The following ATXN7 variants were observed in gnomAD, a reference collection of about 807,000 sequenced individuals.
ATXN7 encodes ataxin 7, also known as ataxin-7.
Under a neutral mutation model 70.5 loss-of-function variants are expected in ATXN7, and 12 were observed. The ratio of observed to expected loss-of-function variants is 0.17; its 90% confidence interval spans 0.11 to 0.28. The LOEUF (loss-of-function observed/expected upper bound fraction) is 0.28. ATXN7 is among the 10% of genes least tolerant of loss of function. The pLI is 1.00. For synonymous variants in ATXN7, 498 were observed against 448.7 expected (o/e 1.11, Z -1.39); for missense variants, 1,256 against 1,131.7 (o/e 1.11, Z -1.58).
intron 4 of ATXN7, among the ~76,000 whole-genome samples, chr3:63,938,677 T>C (rs546012193): frequency 1.3e-5 from 2 of 152,324 alleles, no homozygotes; most frequent in South Asian, 2.1e-4. Context: ...TGAGGCACCA[T>C]GAGTATTTAT....
chr3:63,899,541 G>T (rs1703551924), intron 2 of ATXN7, among the ~76,000 whole-genome samples: 1 of 152,028 alleles, frequency 6.6e-6, no homozygotes, highest in Non-Finnish European at 1.5e-5. Flanking sequence ...GGAGGCTGAG[G>T]TGGAAGGATT....
chr3:63,886,688 A>G (rs985370502), intron 1 of ATXN7, among the ~76,000 whole-genome samples: 3 of 152,206 alleles, frequency 2.0e-5, no homozygotes, highest in East Asian at 3.8e-4. Context: ...CCAAAATTGA[A>G]AGTTTATTTT....
At chr3:63,977,157 T>A (rs1171300843) in intron 5 of ATXN7, among the ~76,000 whole-genome samples, 1 of 152,182 alleles carries the variant, frequency 6.6e-6, no homozygotes, top group Non-Finnish European at 1.5e-5. Context: ...TTCAGCCAGG[T>A]ATAGTTTTCT....
At chr3:63,879,078 A>G (rs1702831258) in intron 1 of ATXN7, among the ~76,000 whole-genome samples, 1 of 152,156 alleles carries the variant, frequency 6.6e-6, no homozygotes, top group Non-Finnish European at 1.5e-5. Context: ...ACCCTATAGC[A>G]TATTCTTAAT....
intron 1 of ATXN7, among the ~76,000 whole-genome samples, chr3:63,866,433 T>G (rs1028523368): frequency 1.3e-5 from 2 of 152,004 alleles, no homozygotes; most frequent in Non-Finnish European, 2.9e-5. Flanking sequence ...TTATTTTTAT[T>G]TTTGTAGAGA....
chr3:63,944,443 A>G (rs1384082250), intron 4 of ATXN7, among the ~76,000 whole-genome samples: 6 of 152,316 alleles, frequency 3.9e-5, no homozygotes, highest in East Asian at 3.9e-4. Context: ...TCTGATAACT[A>G]CTAAGTGACT....
intron 4 of ATXN7, among the ~76,000 whole-genome samples, chr3:63,933,440 T>A (rs2107346352): frequency 6.6e-6 from 1 of 152,316 alleles, no homozygotes; most frequent in Admixed American, 6.5e-5. Flanking sequence ...CATCTGAAAG[T>A]ACCTAGGACA....
intron 4 of ATXN7, among the ~76,000 whole-genome samples, chr3:63,936,102 A>G (rs562930678): frequency 2.0e-5 from 3 of 152,352 alleles, no homozygotes; most frequent in South Asian, 2.1e-4. Context: ...GCTCACTACC[A>G]TATTTTCATG....
At chr3:63,956,661 G>A (rs1172358542) in intron 5 of ATXN7, among the ~76,000 whole-genome samples, 1 of 152,030 alleles carries the variant, frequency 6.6e-6, no homozygotes, top group Non-Finnish European at 1.5e-5. Context: ...ACACTGGCTG[G>A]CTGGAATGCA....
At chr3:63,919,808 G>A (rs2107315738) in intron 4 of ATXN7, among the ~76,000 whole-genome samples, 1 of 135,546 alleles carries the variant, frequency 7.4e-6, no homozygotes, top group Admixed American at 8.5e-5. Context: ...ACACCTGGTT[G>A]GGAGCAGTTC....
chr3:63,979,404 T>C (rs2075448059), intron 5 of ATXN7, among the ~76,000 whole-genome samples: 1 of 152,198 alleles, frequency 6.6e-6, no homozygotes, highest in Admixed American at 6.5e-5. Flanking sequence ...GAAACATTCT[T>C]ATTTGGTGTC....
intron 4 of ATXN7, among the ~76,000 whole-genome samples, chr3:63,926,493 G>A (rs576295466): frequency 1.8e-4 from 27 of 152,290 alleles, no homozygotes; most frequent in Admixed American, 5.2e-4. Flanking sequence ...TTGAAGAACA[G>A]CAGGGGGCGG....
chr3:63,978,278 A>G (rs930690453), intron 5 of ATXN7, among the ~76,000 whole-genome samples: 1 of 152,180 alleles, frequency 6.6e-6, no homozygotes, highest in Non-Finnish European at 1.5e-5. Context: ...CCACTGGTCT[A>G]GGGCCTTCCA....
rs2075812322 is a variant in ATXN7 at position 63,999,543 on chromosome 3, C to T, written c.*76C>T. 1.3e-6 allele frequency: 2 copies of T among 1,596,814 alleles called. No homozygotes were observed. Among genetic ancestry groups the T allele is most frequent in the Admixed American group, 1.7e-5 (1 of 57,778 alleles). On this transcript the variant is annotated 3_prime_UTR_variant, in exon 13 of 13. Transcript: ENST00000674280. ...TTACACCTCCACTCAGCACTCTGGA[C>T]TCCACGATGCCTTTGAGTCTGTTTT...
In ATXN7 at chr3:63,980,105, G is replaced by A; in HGVS notation, c.690G>A (p.Gln230=). 1.2e-6 allele frequency: 2 copies of A among 1,614,182 alleles called. No individual in the cohort carries two copies. The highest frequency in any genetic ancestry group is 1.7e-6 in the Non-Finnish European group (2 of 1,180,042). Residue 230 remains glutamine (Q), a synonymous_variant, in exon 6 of 13, where the codon CAG becomes CAA. Transcript: ENST00000674280. The part of the protein sequence containing the change: ...KLLKSPKEKL[Q]LRGNTRPMHP... Reference sequence around the variant, plus strand: ...TGAAATCACCCAAAGAGAAACTGCAGCTCAGGGGGAACACCAGGCCAATGC... The same window carrying A: ...TGAAATCACCCAAAGAGAAACTGCAACTCAGGGGGAACACCAGGCCAATGC...
chr3:63,941,936 T>C (rs556011532), intron 4 of ATXN7, among the ~76,000 whole-genome samples: 50 of 152,364 alleles, frequency 3.3e-4, no homozygotes, highest in Admixed American at 1.4e-3. Context: ...GAGAGTCACC[T>C]GTTGAAATAA....
chr3:63,969,123 G>A (rs2075272308), intron 5 of ATXN7, among the ~76,000 whole-genome samples: 1 of 152,186 alleles, frequency 6.6e-6, no homozygotes, highest in Non-Finnish European at 1.5e-5. Flanking sequence ...AAAAATAAAT[G>A]TGTGTTGCAG....
At chr3:63,954,455 A>T (rs948139762) in intron 5 of ATXN7, among the ~76,000 whole-genome samples, 1 of 152,128 alleles carries the variant, frequency 6.6e-6, no homozygotes, top group African/African-American at 2.4e-5. Flanking sequence ...GGACTAGCTC[A>T]CAGGGCCTCA....
Position 63,952,408 on chromosome 3 carries a change from C to T in ATXN7, c.424C>T (p.His142Tyr), listed in dbSNP as rs1275965049. ...GCCAATATTTGGTTTCTGTCCAGCC[C>T]ATGATGATTTCTACTTGGTGGTGTG... ...DMPIFGFCPA[H>Y]DDFYLVVCND... Residue 142 changes from histidine to tyrosine, a missense_variant, in exon 5 of 13, where the codon CAT becomes TAT. Physicochemically the swap from His to Tyr is moderately conservative, Grantham distance 83. Coordinates refer to ENST00000674280, the MANE Select transcript of ATXN7 (RefSeq NM_001377405.1). 1.9e-6 allele frequency: 3 copies of T among 1,611,516 alleles called. No homozygotes were observed. In the East Asian group the frequency reaches 6.7e-5, roughly 36 times the overall value.
Sources: gnomAD v4.1 joint callset for allele counts (sites outside exome capture counted in the v4.1 genomes callset) on GRCh38, gnomAD v4.1.1 for gene constraint, MANE v1.5 for transcripts, NCBI Gene and HGNC (gene_info 2026-07-23, HGNC 2026-07-21) for gene names.